Variants in DIS3L2 observed in about 807,000 individuals in gnomAD.
The protein encoded by DIS3L2 is DIS3 like 3'-5' exoribonuclease 2.
DIS3L2 carries 34 observed loss-of-function variants against 97.5 expected under a neutral mutation model. The ratio of observed to expected loss-of-function variants is 0.35; its 90% CI spans 0.27 to 0.46. DIS3L2 has a LOEUF of 0.46. Among genes scored for constraint, DIS3L2 ranks in the 20% least tolerant of loss-of-function variants. DIS3L2 has a pLI of 1.00. For synonymous variants in DIS3L2, 435 were observed against 445.2 expected, an observed-to-expected ratio of 0.98 and a Z score of 0.29; for missense variants, 1,038 against 1,146.0, an observed-to-expected ratio of 0.91 and a Z score of 1.36.
At chr2:232,169,536 A>G (rs746274329) in intron 9 of DIS3L2, among the ~76,000 whole-genome samples, 15 of 152,192 alleles carry the variant, frequency 9.9e-5, no homozygotes, top group Non-Finnish European at 2.1e-4. Context: ...GATCTGAGAA[A>G]TGAGCAGGTA....
intron 1 of DIS3L2, among the ~76,000 whole-genome samples, chr2:231,966,641 A>ATTTTTTTTTTTTTTTTTTTTTTTT (rs36151054): frequency 6.0e-5 from 3 of 50,358 alleles, no homozygotes; most frequent in African/African-American, 7.0e-5. Flanking sequence ...GTTAAAAAAC[A>ATTTTTTTTTTTTTTTTTTTTTTTT]TTTTTTTTTT....
intron 7 of DIS3L2, among the ~76,000 whole-genome samples, chr2:232,134,759 G>C (rs1176817856): frequency 6.6e-6 from 1 of 152,096 alleles, no homozygotes; most frequent in Non-Finnish European, 1.5e-5. Context: ...TTGAACCTGG[G>C]AGGCGGAGGT....
At chr2:231,987,261 T>G (rs753825364) in intron 1 of DIS3L2, among the ~76,000 whole-genome samples, 2 of 152,218 alleles carry the variant, frequency 1.3e-5, no homozygotes, top group Non-Finnish European at 2.9e-5. Flanking sequence ...AGGTTTTCTT[T>G]GTAATAAGAT....
chr2:232,217,102 A>G (rs965902990), intron 10 of DIS3L2, among the ~76,000 whole-genome samples: 1 of 152,088 alleles, frequency 6.6e-6, no homozygotes, highest in African/African-American at 2.4e-5. Context: ...TGGCCTCCCA[A>G]AGTGCTGGGA....
At chr2:232,237,237 T>A (rs924778639) in intron 10 of DIS3L2, among the ~76,000 whole-genome samples, 1 of 152,194 alleles carries the variant, frequency 6.6e-6, no homozygotes, top group Non-Finnish European at 1.5e-5. Context: ...CTTAAGTTTA[T>A]AACCTAACTA....
chr2:232,021,712 A>G (rs1348444672), intron 3 of DIS3L2, among the ~76,000 whole-genome samples: 1 of 152,312 alleles, frequency 6.6e-6, no homozygotes, highest in East Asian at 1.9e-4. Context: ...AAGAGGTGCT[A>G]ATGATATGAA....
At chr2:232,335,438 C>G (rs1204842175) in intron 19 of DIS3L2, 6 of 320,376 alleles carry the variant, frequency 1.9e-5, no homozygotes, top group African/African-American at 1.3e-4. Context: ...CCTGCCTGCA[C>G]TGACAGATGG....
At chr2:232,132,825 A>G (rs530807295) in intron 7 of DIS3L2, among the ~76,000 whole-genome samples, 235 of 152,226 alleles carry the variant, frequency 1.5e-3, no homozygotes, top group Admixed American at 3.7e-3. Flanking sequence ...TGGCCCAGAA[A>G]GCCTCTTTGT....
chr2:232,066,082 A>G (rs1357201798), intron 5 of DIS3L2, among the ~76,000 whole-genome samples: 1 of 151,840 alleles, frequency 6.6e-6, no homozygotes, highest in Non-Finnish European at 1.5e-5. Context: ...TTTTCTGCAT[A>G]TATATTGTCT....
intron 14 of DIS3L2, among the ~76,000 whole-genome samples, chr2:232,318,899 C>T (rs1016638834): frequency 6.6e-6 from 1 of 152,206 alleles, no homozygotes; most frequent in Non-Finnish European, 1.5e-5. Context: ...CTCTTCTTCC[C>T]ACCACCTCCC....
At chr2:232,105,921 T>C (rs1697346721) in intron 6 of DIS3L2, among the ~76,000 whole-genome samples, 1 of 152,200 alleles carries the variant, frequency 6.6e-6, no homozygotes. Context: ...TTCCTGACTC[T>C]CTTGCTTGCT....
chr2:232,331,391 C>G lies in DIS3L2; in HGVS notation c.2010+615C>G, dbSNP rs957178352. 3.5e-4 allele frequency among the ~76,000 whole-genome samples: 54 copies of G among 152,332 alleles called. 2 individuals carry two copies. The highest frequency in any genetic ancestry group is 1.3e-3 in the African/African-American group (54 of 41,582). On this transcript the variant is annotated intron_variant, in intron 16 of 20. Transcript: ENST00000325385. Reference sequence around the variant, plus strand: ...GGATGCTGATGGGTCGGCTCTGGGTCCCACCCCGGCCCAGGGGCAGAGACA... The same window carrying G: ...GGATGCTGATGGGTCGGCTCTGGGTGCCACCCCGGCCCAGGGGCAGAGACA...
intron 12 of DIS3L2, among the ~76,000 whole-genome samples, chr2:232,255,547 G>A (rs1208596383): frequency 6.6e-6 from 1 of 152,140 alleles, no homozygotes; most frequent in East Asian, 1.9e-4. Flanking sequence ...TTAAGCTAGT[G>A]CTCAGGCTTT....
At chr2:231,962,735 G>A (rs1182741328) in intron 1 of DIS3L2, among the ~76,000 whole-genome samples, 1 of 152,018 alleles carries the variant, frequency 6.6e-6, no homozygotes, top group East Asian at 1.9e-4. Flanking sequence ...GCACCCGGCC[G>A]ACTGTTCCCA....
intron 10 of DIS3L2, among the ~76,000 whole-genome samples, chr2:232,211,374 G>A (rs1049193290): frequency 1.3e-5 from 2 of 152,122 alleles, no homozygotes; most frequent in Non-Finnish European, 2.9e-5. Context: ...TTGAACTCCT[G>A]GGCTCAAGTG....
intron 1 of DIS3L2, among the ~76,000 whole-genome samples, chr2:231,970,999 G>C (rs1005490980): frequency 6.6e-6 from 1 of 152,032 alleles, no homozygotes; most frequent in Admixed American, 6.6e-5. Context: ...CATAGAGTCA[G>C]GTTCATCAGT....
intron 5 of DIS3L2, among the ~76,000 whole-genome samples, chr2:232,079,009 G>A (rs1385252134): frequency 6.6e-6 from 1 of 152,198 alleles, no homozygotes; most frequent in Non-Finnish European, 1.5e-5. Context: ...GCCATCTCTG[G>A]CTGTTTATTT....
At chr2:232,083,758 G>A (rs367705912) in intron 5 of DIS3L2, among the ~76,000 whole-genome samples, 1 of 152,152 alleles carries the variant, frequency 6.6e-6, no homozygotes, top group Non-Finnish European at 1.5e-5. Flanking sequence ...TCCTTCCAAA[G>A]TGCTGGGATT....
intron 16 of DIS3L2, among the ~76,000 whole-genome samples, chr2:232,333,167 TCCGCTGTCG>T (rs1397776272): frequency 1.9e-5 from 2 of 103,864 alleles, no homozygotes; most frequent in African/African-American, 1.0e-4. Flanking sequence ...CTTCTCCTCC[TCCGCTGTCG>T]CCTCCTCCTC....
Sources: allele counts gnomAD v4.1 joint callset (sites outside exome capture counted in the v4.1 genomes callset), GRCh38; gene constraint gnomAD v4.1.1; transcripts MANE v1.5; gene names NCBI Gene and HGNC (gene_info 2026-07-23, HGNC 2026-07-21).